EDIL3: variants seen among roughly 807,000 people sequenced by gnomAD.
EDIL3 encodes EGF like and discoidin domains 3.
EDIL3 carries 37 observed loss-of-function variants against 67.4 expected under a neutral mutation model. That is an observed-to-expected ratio of 0.55 (90% confidence interval 0.42 to 0.72). The LOEUF (loss-of-function observed/expected upper bound fraction) is 0.72. EDIL3 is among the 30% of genes least tolerant of loss of function. The pLI is 0.00. For missense variants in EDIL3, 527 were observed against 586.3 expected, an observed-to-expected ratio of 0.90 and a Z score of 1.04; for synonymous variants, 195 against 196.3, an observed-to-expected ratio of 0.99 and a Z score of 0.05.
intron 9 of EDIL3, among the ~76,000 whole-genome samples, chr5:84,017,064 A>G (rs976285411): frequency 9.9e-5 from 15 of 152,198 alleles, no homozygotes; most frequent in African/African-American, 3.6e-4. Context: ...TAAGTGAGGA[A>G]GATATCTGTC....
chr5:84,366,129 T>A (rs12518756), intron 1 of EDIL3, among the ~76,000 whole-genome samples: 68,062 of 151,606 alleles, frequency 0.45, 15,480 homozygotes, highest in Middle Eastern at 0.55. Context: ...AGTAAAAAAA[T>A]ATATATAAAA....
At position 84,314,531 on chromosome 5, in the gene EDIL3, T is replaced by C. The variant is rs539944395; in HGVS notation, c.68-60319A>G. Among the ~76,000 whole-genome samples, 15 of 152,338 alleles carry C rather than the reference T, an allele frequency of 9.8e-5. No individual in the cohort carries two copies. In the South Asian group the frequency reaches 3.1e-3, roughly 32 times the overall value. ...AATATAGATGTACAGAAATATAAGT[T>C]AAAAGGTTTCCTAGATTTCATAAAT... On this transcript the variant is annotated intron_variant, in intron 1 of 10. Coordinates refer to ENST00000296591, the MANE Select transcript of EDIL3 (RefSeq NM_005711.5).
At chr5:84,097,174 C>G (rs1747279801) in intron 6 of EDIL3, among the ~76,000 whole-genome samples, 1 of 152,138 alleles carries the variant, frequency 6.6e-6, no homozygotes, top group South Asian at 2.1e-4. Flanking sequence ...TTTTTCCTCT[C>G]ACAAATTCTA....
chr5:84,102,093 GA>G (rs1747377855), intron 6 of EDIL3, among the ~76,000 whole-genome samples: 1 of 151,922 alleles, frequency 6.6e-6, no homozygotes, highest in African/African-American at 2.4e-5. Context: ...AATAGATTCA[GA>G]AAAGCCTTCC....
chr5:84,381,268 G>A (rs1021026079), intron 1 of EDIL3, among the ~76,000 whole-genome samples: 2 of 152,116 alleles, frequency 1.3e-5, no homozygotes, highest in East Asian at 3.9e-4. Context: ...TATCACCACA[G>A]TGGCCAAAAT....
intron 5 of EDIL3, among the ~76,000 whole-genome samples, chr5:84,113,285 A>C (rs886692236): frequency 6.6e-6 from 1 of 152,188 alleles, no homozygotes; most frequent in Non-Finnish European, 1.5e-5. Context: ...GTACGACAAT[A>C]ATCCTAAATT....
At chr5:84,173,713 G>A (rs554119026) in intron 4 of EDIL3, among the ~76,000 whole-genome samples, 1 of 152,302 alleles carries the variant, frequency 6.6e-6, no homozygotes, top group East Asian at 1.9e-4. Context: ...GCACCTCTGT[G>A]GTGCCAGTAA....
intron 1 of EDIL3, among the ~76,000 whole-genome samples, chr5:84,314,406 A>C (rs1421234324): frequency 2.0e-5 from 3 of 152,140 alleles, no homozygotes; most frequent in South Asian, 2.1e-4. Flanking sequence ...TTCATGCCCA[A>C]TTTGCTTTAT....
rs554282518 is a variant in EDIL3, at chr5:84,003,932, C to G, written c.1138-40572G>C. Among the ~76,000 whole-genome samples, 9 of 150,820 alleles carry G rather than the reference C, an allele frequency of 6.0e-5. No homozygotes were observed. In the South Asian group the frequency reaches 1.9e-3, roughly 32 times the overall value. ...TACGCTGTCTTCAAGAGATCCATCT[C>G]ACATGCAATGAGAGATACCATAAAC... On this transcript the variant is annotated intron_variant, in intron 9 of 10. Transcript: ENST00000296591.
chr5:84,160,726 CT>C lies in EDIL3; in HGVS notation c.355+19666del, dbSNP rs758572761. Among the ~76,000 whole-genome samples, 10 of 136,510 alleles carry C rather than the reference CT, an allele frequency of 7.3e-5. No homozygotes were observed. In the South Asian group the frequency reaches 1.9e-3, roughly 26 times the overall value. 89.6% of individuals were successfully genotyped at this position (136,510 alleles called of 152,430 possible). ...TGAGAGGTGTCATTTTCATTTTCTTCTTTTTTTTCTTTTCTTTTCTTTCCTT... is the reference window on the plus strand; with the variant it reads ...TGAGAGGTGTCATTTTCATTTTCTTCTTTTTTTCTTTTCTTTTCTTTCCTT... On this transcript the variant is annotated intron_variant, in intron 4 of 10. Coordinates refer to ENST00000296591, the MANE Select transcript of EDIL3 (RefSeq NM_005711.5).
intron 10 of EDIL3, among the ~76,000 whole-genome samples, chr5:83,961,370 A>C (rs1467760730): frequency 6.6e-6 from 1 of 151,240 alleles, no homozygotes; most frequent in African/African-American, 2.4e-5. Flanking sequence ...CAAACGACAC[A>C]AAAATTTTAT....
intron 3 of EDIL3, among the ~76,000 whole-genome samples, chr5:84,191,949 T>G (rs1220984615): frequency 6.6e-6 from 1 of 151,970 alleles, no homozygotes; most frequent in Non-Finnish European, 1.5e-5. Context: ...GTGAGGGGCT[T>G]TATCACACTG....
chr5:84,284,659 TAATGA>T (rs1429943643), intron 1 of EDIL3, among the ~76,000 whole-genome samples: 1 of 152,088 alleles, frequency 6.6e-6, no homozygotes, highest in Non-Finnish European at 1.5e-5. Context: ...CTGCTTGAAA[TAATGA>T]TAATGTTAAT....
chr5:84,184,036 A>G (rs1459495939), intron 3 of EDIL3, among the ~76,000 whole-genome samples: 1 of 152,046 alleles, frequency 6.6e-6, no homozygotes. Context: ...AACCCGGGAG[A>G]TGGTGGTTGC....
intron 6 of EDIL3, among the ~76,000 whole-genome samples, chr5:84,087,985 T>A (rs1380049500): frequency 1.3e-5 from 2 of 152,186 alleles, no homozygotes; most frequent in African/African-American, 2.4e-5. Context: ...AAGTCCCATG[T>A]GGCTGGAACT....
At chr5:84,274,782 C>G (rs1745541334) in intron 1 of EDIL3, among the ~76,000 whole-genome samples, 1 of 96,890 alleles carries the variant, frequency 1.0e-5, no homozygotes, top group Admixed American at 1.1e-4. Flanking sequence ...CATACACATA[C>G]AGACACACAC....
chr5:84,003,012 C>T (rs1188908405), intron 9 of EDIL3, among the ~76,000 whole-genome samples: 1 of 150,742 alleles, frequency 6.6e-6, no homozygotes, highest in Non-Finnish European at 1.5e-5. Context: ...CTGGAGGCAA[C>T]TGACAGCCCC....
intron 1 of EDIL3, among the ~76,000 whole-genome samples, chr5:84,339,903 G>T (rs1279533066): frequency 2.0e-5 from 3 of 151,950 alleles, no homozygotes; most frequent in Admixed American, 6.6e-5. Context: ...TTTTATTCTT[G>T]TTCTAATTGT....
intron 3 of EDIL3, among the ~76,000 whole-genome samples, chr5:84,209,872 A>G (rs967376814): frequency 3.3e-5 from 5 of 152,186 alleles, no homozygotes; most frequent in Admixed American, 1.3e-4. Flanking sequence ...CTATCCATTA[A>G]GTTACTAAAC....
Sources: gnomAD v4.1 joint callset for allele counts (sites outside exome capture counted in the v4.1 genomes callset) on GRCh38, gnomAD v4.1.1 for gene constraint, MANE v1.5 for transcripts, NCBI Gene and HGNC (gene_info 2026-07-23, HGNC 2026-07-21) for gene names.